Variants in GRM8 observed in about 807,000 individuals in gnomAD.
GRM8 encodes the protein glutamate metabotropic receptor 8, also known as metabotropic glutamate receptor 8.
A neutral mutation model predicts 87.2 loss-of-function variants in GRM8; 47 were observed. That is an observed-to-expected ratio of 0.54 (90% CI 0.43 to 0.69). The LOEUF (loss-of-function observed/expected upper bound fraction) is 0.69. Ranked by LOEUF, GRM8 falls within the 30% of genes least tolerant of loss-of-function variation. The pLI, the probability that GRM8 is intolerant of heterozygous loss-of-function variation, is 0.00. For missense variants in GRM8, 1,019 were observed against 1,139.2 expected (o/e 0.89, Z 1.52); for synonymous variants, 396 against 404.5 (o/e 0.98, Z 0.25).
intron 7 of GRM8, among the ~76,000 whole-genome samples, chr7:126,641,804 G>C (rs1194117158): frequency 6.6e-6 from 1 of 152,264 alleles, no homozygotes; most frequent in African/African-American, 2.4e-5. Flanking sequence ...AAGGTAAAAT[G>C]GGCAGAGTAG....
At chr7:126,485,979 G>C (rs953137295) in intron 9 of GRM8, among the ~76,000 whole-genome samples, 2 of 151,930 alleles carry the variant, frequency 1.3e-5, no homozygotes, top group Non-Finnish European at 2.9e-5. Context: ...ATTAAGTCAC[G>C]TACCTCTACA....
intron 3 of GRM8, among the ~76,000 whole-genome samples, chr7:127,024,211 A>G (rs1187072184): frequency 6.6e-6 from 1 of 152,084 alleles, no homozygotes; most frequent in Non-Finnish European, 1.5e-5. Flanking sequence ...GCTGGTGCAT[A>G]TTCTTATAAG....
chr7:126,922,584 A>G lies in GRM8; in HGVS notation c.728-17901T>C, dbSNP rs760930961. 3.9e-5 allele frequency among the ~76,000 whole-genome samples: 6 copies of G among 152,290 alleles called. 1 individual carries two copies. In the South Asian group the frequency reaches 1.0e-3, roughly 26 times the overall value. On this transcript the variant is annotated intron_variant, in intron 3 of 10. Transcript: ENST00000339582. ...TGTGAAGTCCAGTAGCACTATATAC[A>G]ATATCGCTTGGGTAAAATACATGTT...
chr7:126,459,708 C>A (rs1488713285), intron 9 of GRM8, among the ~76,000 whole-genome samples: 3 of 151,440 alleles, frequency 2.0e-5, no homozygotes, highest in Non-Finnish European at 4.4e-5. Flanking sequence ...CACCCCTTAT[C>A]CCTGGGCTAT....
chr7:126,590,992 G>A (rs2151041957), intron 8 of GRM8, among the ~76,000 whole-genome samples: 1 of 151,782 alleles, frequency 6.6e-6, no homozygotes, highest in East Asian at 1.9e-4. Flanking sequence ...AAGGTATTTA[G>A]GCAACAAATA....
At chr7:126,672,111 A>G (rs1292116000) in intron 7 of GRM8, among the ~76,000 whole-genome samples, 1 of 152,226 alleles carries the variant, frequency 6.6e-6, no homozygotes, top group East Asian at 1.9e-4. Flanking sequence ...AATAAAGGCC[A>G]TGTTAATATC....
At chr7:126,948,735 C>T (rs17865220) in intron 3 of GRM8, among the ~76,000 whole-genome samples, 304 of 152,224 alleles carry the variant, frequency 2.0e-3, no homozygotes, top group African/African-American at 6.8e-3. Context: ...TCATCAATGA[C>T]GCCATCCCCT....
chr7:127,099,704 C>A (rs1290804794), intron 3 of GRM8, among the ~76,000 whole-genome samples: 1 of 152,044 alleles, frequency 6.6e-6, no homozygotes, highest in East Asian at 2.0e-4. Flanking sequence ...TTATTACTAA[C>A]CTGTTGTCCT....
intron 3 of GRM8, among the ~76,000 whole-genome samples, chr7:127,051,265 G>A (rs1337371055): frequency 6.6e-6 from 1 of 152,046 alleles, no homozygotes; most frequent in Non-Finnish European, 1.5e-5. Flanking sequence ...TTTTTAATAA[G>A]CCCTCCAGTT....
chr7:126,607,939 T>C (rs886586902), intron 8 of GRM8, among the ~76,000 whole-genome samples: 2 of 146,736 alleles, frequency 1.4e-5, no homozygotes, highest in Admixed American at 7.0e-5. Context: ...GGCCACCAAA[T>C]TTCTGTGAAA....
At chr7:126,857,131 C>T (rs906173080) in intron 6 of GRM8, among the ~76,000 whole-genome samples, 1 of 152,164 alleles carries the variant, frequency 6.6e-6, no homozygotes, top group African/African-American at 2.4e-5. Context: ...AGAAACTATG[C>T]CTATTCTAGA....
chr7:126,472,489 A>G (rs1196296814), intron 9 of GRM8, among the ~76,000 whole-genome samples: 1 of 152,190 alleles, frequency 6.6e-6, no homozygotes, highest in Non-Finnish European at 1.5e-5. Context: ...CCTTAAAAGC[A>G]TTCAGTTTCA....
Position 126,446,264 on chromosome 7 carries a change from G to T in GRM8, c.2539C>A (p.Gln847Lys). The change falls in exon 10 of 11, where the codon CAG (glutamine) becomes AAG (lysine). Residue 847 changes from glutamine to lysine, a missense_variant. Gln to Lys is a moderately conservative substitution (Grantham distance 53). Coordinates refer to ENST00000339582, the MANE Select transcript of GRM8 (RefSeq NM_000845.3). ...KVYIIIFHPE[Q>K]NVQKRKRSFK... is the part of the protein sequence containing the mutation. ...CTCCTCTTGCGTTTTTGAACATTCT[G>T]TTCTGGATGAAAAATTATAATATAA... 1 of 1,612,472 alleles carries T rather than the reference G, an allele frequency of 6.2e-7. No individual in the cohort carries two copies. The highest frequency in any genetic ancestry group is 8.5e-7 in the Non-Finnish European group (1 of 1,179,052).
At chr7:126,466,802 A>T (rs1804553197) in intron 9 of GRM8, among the ~76,000 whole-genome samples, 2 of 151,802 alleles carry the variant, frequency 1.3e-5, no homozygotes, top group African/African-American at 4.8e-5. Context: ...GGTCTTCTTT[A>T]CTCAGTCTAC....
chr7:126,554,535 G>A (rs1792933636), intron 8 of GRM8, among the ~76,000 whole-genome samples: 1 of 152,098 alleles, frequency 6.6e-6, no homozygotes. Flanking sequence ...TGAGGCTGCA[G>A]TGAGTTATGA....
intron 9 of GRM8, among the ~76,000 whole-genome samples, chr7:126,529,306 C>T (rs1317602478): frequency 1.3e-5 from 2 of 152,112 alleles, no homozygotes; most frequent in South Asian, 2.1e-4. Flanking sequence ...AATATTAGCT[C>T]ATTGAATAGG....
chr7:126,566,866 G>A (rs576371329), intron 8 of GRM8, among the ~76,000 whole-genome samples: 5 of 152,122 alleles, frequency 3.3e-5, no homozygotes, highest in South Asian at 2.1e-4. Context: ...AGGAAATTCC[G>A]CAATATGTGA....
At chr7:126,959,689 T>G (rs553629261) in intron 3 of GRM8, among the ~76,000 whole-genome samples, 1 of 152,302 alleles carries the variant, frequency 6.6e-6, no homozygotes, top group South Asian at 2.1e-4. Flanking sequence ...TTTTTTCCTT[T>G]AAAGGACCCT....
At chr7:127,200,980 A>C (rs1469510372) in intron 2 of GRM8, among the ~76,000 whole-genome samples, 1 of 152,126 alleles carries the variant, frequency 6.6e-6, no homozygotes, top group Non-Finnish European at 1.5e-5. Context: ...ATCTTCACCA[A>C]CTTCTCAACA....
Sources: allele counts gnomAD v4.1 joint callset (sites outside exome capture counted in the v4.1 genomes callset), GRCh38; gene constraint gnomAD v4.1.1; transcripts MANE v1.5; gene names NCBI Gene and HGNC (gene_info 2026-07-23, HGNC 2026-07-21).